Variants in NBEAL1 observed in about 807,000 individuals in gnomAD.
The protein encoded by NBEAL1 is neurobeachin like 1, also known as neurobeachin-like protein 1.
NBEAL1 carries 273 observed loss-of-function variants against 351.3 expected under a neutral mutation model. The observed-to-expected ratio is 0.78, with a 90% CI of 0.70 to 0.86. NBEAL1 has a LOEUF of 0.86. NBEAL1 is among the 40% of genes least tolerant of loss of function. NBEAL1 has a pLI of 0.00. For missense variants in NBEAL1, 2,961 were observed against 3,201.3 expected, an observed-to-expected ratio of 0.92 and a Z score of 1.81; for synonymous variants, 1,050 against 1,086.4, an observed-to-expected ratio of 0.97 and a Z score of 0.66.
chr2:203,029,886 T>G (rs1451234638), intron 2 of NBEAL1, among the ~76,000 whole-genome samples: 2 of 152,198 alleles, frequency 1.3e-5, no homozygotes, highest in Admixed American at 6.5e-5. Flanking sequence ...AATTTTTGCC[T>G]TCTTCTATTT....
Position 203,136,059 on chromosome 2 carries a change from A to G in NBEAL1, c.4196A>G (p.His1399Arg), listed in dbSNP as rs750461477. The G allele has an allele frequency of 9.9e-6, 16 of 1,613,694 alleles. No homozygotes were observed. The highest frequency in any genetic ancestry group is 2.7e-5 in the African/African-American group (2 of 74,920). The change falls in exon 28 of 56, where the codon CAT (histidine) becomes CGT (arginine). Residue 1399 changes from histidine to arginine, a missense_variant. Transcript: ENST00000683969. ...QEEFWHSNPS[H>R]LSLDLSGIDS... ...GAATTCTGGCATAGTAACCCTTCACATTTGAGTTTAGACCTCAGTGGAATT... is the reference window on the plus strand; with the variant it reads ...GAATTCTGGCATAGTAACCCTTCACGTTTGAGTTTAGACCTCAGTGGAATT...
intron 39 of NBEAL1, among the ~76,000 whole-genome samples, chr2:203,171,185 G>A (rs2064308098): frequency 6.6e-6 from 1 of 152,164 alleles, no homozygotes; most frequent in African/African-American, 2.4e-5. Flanking sequence ...TTGAACCCTG[G>A]AGACAGAGGT....
Position 203,172,950 on chromosome 2 carries a change from G to T in NBEAL1, c.6323+97G>T, listed in dbSNP as rs537833937. ...CAACCAAAAAAATTTTTTTTTTATCGTACTACTACTTTTGATAATCAGAGT... is the reference window on the plus strand; with the variant it reads ...CAACCAAAAAAATTTTTTTTTTATCTTACTACTACTTTTGATAATCAGAGT... On this transcript the variant is annotated intron_variant, in intron 41 of 55. Coordinates refer to ENST00000683969, the MANE Select transcript of NBEAL1 (RefSeq NM_001378026.1). 4 of 901,438 alleles carry T rather than the reference G, an allele frequency of 4.4e-6. No individual in the cohort carries two copies. The African/African-American group carries it at 5.2e-5, about 12-fold the overall frequency. 55.8% of individuals were successfully genotyped at this position (901,438 alleles called of 1,614,324 possible). A position where few individuals can be genotyped will look rare whatever the true frequency, so the allele number is the denominator to read the frequency against.
chr2:203,028,730 G>A (rs958118603), intron 2 of NBEAL1, among the ~76,000 whole-genome samples: 1 of 151,756 alleles, frequency 6.6e-6, no homozygotes, highest in African/African-American at 2.4e-5. Flanking sequence ...AGTCCCGTTT[G>A]ACTCATTTTT....
At chr2:203,118,162 G>A (rs2062742540) in intron 18 of NBEAL1, among the ~76,000 whole-genome samples, 1 of 152,030 alleles carries the variant, frequency 6.6e-6, no homozygotes, top group Admixed American at 6.5e-5. Context: ...ATGTTTTACT[G>A]TACTTGCTGA....
intron 25 of NBEAL1, among the ~76,000 whole-genome samples, chr2:203,131,686 T>G (rs1394958774): frequency 6.6e-6 from 1 of 152,190 alleles, no homozygotes; most frequent in African/African-American, 2.4e-5. Context: ...TTCAAAAAAT[T>G]GCAACCTCCG....
rs756569765 is a variant in NBEAL1, at chr2:203,107,400, A to G, written c.1270-20A>G. On this transcript the variant is annotated intron_variant, in intron 12 of 55. Coordinates refer to ENST00000683969, the MANE Select transcript of NBEAL1 (RefSeq NM_001378026.1). ...AGTCTTTGAAAATGTACTTTGATATATTGTCTTCCCATCCCCTAGGAAGTA... is the reference window on the plus strand; with the variant it reads ...AGTCTTTGAAAATGTACTTTGATATGTTGTCTTCCCATCCCCTAGGAAGTA... 1.6e-6 allele frequency: 2 copies of G among 1,274,474 alleles called. No homozygotes were observed. Among genetic ancestry groups the G allele is most frequent in the East Asian group, 5.1e-5 (2 of 39,468 alleles). 78.9% of individuals were successfully genotyped at this position (1,274,474 alleles called of 1,614,324 possible). A position where few individuals can be genotyped will look rare whatever the true frequency, so the allele number is the denominator to read the frequency against.
intron 2 of NBEAL1, among the ~76,000 whole-genome samples, chr2:203,029,555 G>C (rs1392449145): frequency 6.6e-6 from 1 of 152,094 alleles, no homozygotes; most frequent in South Asian, 2.1e-4. Context: ...AGCCGGGCAC[G>C]ATGGCATGTG....
chr2:203,066,871 A>G lies in NBEAL1; in HGVS notation c.516-1522A>G, dbSNP rs554744678. ...TCCCAGATGATGGGCGGCCGGGCAG[A>G]GGCGCTCCTCACCTCCCAGATGGGA... is the stretch of plus-strand genomic sequence containing the variant. On this transcript the variant is annotated intron_variant, in intron 6 of 55. Transcript: ENST00000683969. 1.7e-4 allele frequency among the ~76,000 whole-genome samples: 24 copies of G among 143,020 alleles called. No homozygotes were observed. The South Asian group carries it at 5.4e-3, about 32-fold the overall frequency. The allele number at this position is 143,020 out of a possible 152,430, so 93.8% of individuals were successfully genotyped here.
chr2:203,145,986 G>C (rs2106340710), intron 33 of NBEAL1, among the ~76,000 whole-genome samples: 1 of 150,744 alleles, frequency 6.6e-6, no homozygotes, highest in South Asian at 2.1e-4. Flanking sequence ...TAAACTTCTA[G>C]CAAGATTGAC....
chr2:203,062,057 A>G lies in NBEAL1; in HGVS notation c.515+4604A>G. The G allele has an allele frequency of 2.8e-6, 1 of 358,492 alleles. No homozygotes were observed. Among genetic ancestry groups the G allele is most frequent in the Non-Finnish European group, 5.4e-6 (1 of 184,854 alleles). 22.2% of individuals were successfully genotyped at this position (358,492 alleles called of 1,614,324 possible). A position where few individuals can be genotyped will look rare whatever the true frequency, so the allele number is the denominator to read the frequency against. On this transcript the variant is annotated intron_variant, in intron 6 of 55. Transcript: ENST00000683969. The surrounding 1 kb of genome is among the most constrained non-coding windows in gnomAD (Gnocchi z 4.2). ...TGAGATATAATATACCTGTGAAGAG[A>G]TGCATGACATATGAAGACTTTTCCA...
chr2:203,199,513 G>C, intron 49 of NBEAL1, 66 bp downstream of exon 49: 1 of 720,538 alleles, frequency 1.4e-6, no homozygotes, highest in Non-Finnish European at 2.4e-6. Flanking sequence ...AAAAAAACTA[G>C]ATTAATTGAT....
chr2:203,213,771 G>C, intron 55 of NBEAL1, 118 bp downstream of exon 55: 2 of 1,529,870 alleles, frequency 1.3e-6, no homozygotes, highest in South Asian at 2.5e-5. Context: ...AGCCAAATTT[G>C]ATTTTTCAAA....
intron 12 of NBEAL1, among the ~76,000 whole-genome samples, chr2:203,100,018 T>A (rs2062277815): frequency 1.3e-5 from 2 of 152,170 alleles, no homozygotes; most frequent in Admixed American, 1.3e-4. Context: ...ATTCCTGTGT[T>A]AGTTCGCCTA....
At chr2:203,128,813 G>A (rs1270937759) in intron 24 of NBEAL1, among the ~76,000 whole-genome samples, 2 of 151,654 alleles carry the variant, frequency 1.3e-5, no homozygotes, top group Non-Finnish European at 2.9e-5. Flanking sequence ...GGCCAGGATG[G>A]TCTCCATCTC....
At chr2:203,030,938 C>A (rs1178724679) in intron 2 of NBEAL1, among the ~76,000 whole-genome samples, 2 of 152,060 alleles carry the variant, frequency 1.3e-5, no homozygotes, top group Non-Finnish European at 2.9e-5. Flanking sequence ...TCACTCGAAC[C>A]CAGTATGTTG....
intron 5 of NBEAL1, 118 bp from the exon 6 acceptor site, chr2:203,057,208 C>A: frequency 1.3e-6 from 1 of 779,532 alleles, no homozygotes; most frequent in Non-Finnish European, 2.0e-6. Context: ...GTATCCAGTC[C>A]ATATGATTAA....
At chr2:203,186,540 C>T (rs1026640033) in intron 44 of NBEAL1, among the ~76,000 whole-genome samples, 12 of 152,064 alleles carry the variant, frequency 7.9e-5, no homozygotes, top group African/African-American at 2.7e-4. Context: ...TCCTGTCTCC[C>T]GAGAGGGGTT....
Position 203,224,835 on chromosome 2 carries a change from T to G in NBEAL1, c.*7481T>G, listed in dbSNP as rs576596669. On this transcript the variant is annotated 3_prime_UTR_variant, in exon 56 of 56. Transcript: ENST00000683969. Reference sequence around the variant, plus strand: ...AAAAACATTTTAAAGCTGAGCAATTTTTAATAAAGATGTATAAATAATTTT... The same window carrying G: ...AAAAACATTTTAAAGCTGAGCAATTGTTAATAAAGATGTATAAATAATTTT... Among the ~76,000 whole-genome samples the G allele has an allele frequency of 2.0e-5, 3 of 152,306 alleles. No individual in the cohort carries two copies. The highest frequency in any genetic ancestry group is 7.2e-5 in the African/African-American group (3 of 41,576).
Sources: allele counts gnomAD v4.1 joint callset (sites outside exome capture counted in the v4.1 genomes callset), GRCh38; gene constraint gnomAD v4.1.1; non-coding constraint Gnocchi (gnomAD v3.1); transcripts MANE v1.5; gene names NCBI Gene and HGNC (gene_info 2026-07-23, HGNC 2026-07-21).